CSGALNACT1: variants seen among roughly 807,000 people sequenced by gnomAD.
CSGALNACT1 encodes the protein chondroitin sulfate N-acetylgalactosaminyltransferase 1.
CSGALNACT1 carries 52 observed loss-of-function variants against 51.0 expected under a neutral mutation model. The ratio of observed to expected loss-of-function variants is 1.02; its 90% CI spans 0.82 to 1.29. CSGALNACT1 has a LOEUF of 1.29. CSGALNACT1 is among the 50% of genes most tolerant of loss of function. The pLI, the probability that CSGALNACT1 is intolerant of heterozygous loss-of-function variation, is 0.00. For synonymous variants in CSGALNACT1, 341 were observed against 254.4 expected, an observed-to-expected ratio of 1.34 and a Z score of -3.24; for missense variants, 935 against 679.2, an observed-to-expected ratio of 1.38 and a Z score of -4.19.
At chr8:19,468,742 G>C (rs535768629) in intron 4 of CSGALNACT1, among the ~76,000 whole-genome samples, 3 of 152,284 alleles carry the variant, frequency 2.0e-5, no homozygotes, top group African/African-American at 7.2e-5. Context: ...TATGAGCTAA[G>C]CTTTGGACGG....
At chr8:19,555,245 A>T (rs2089432597) in intron 3 of CSGALNACT1, among the ~76,000 whole-genome samples, 1 of 152,132 alleles carries the variant, frequency 6.6e-6, no homozygotes, top group Non-Finnish European at 1.5e-5. Flanking sequence ...TTTCAAAAAA[A>T]TTAAAAAAAA....
chr8:19,565,097 T>G (rs1554710856), intron 3 of CSGALNACT1, among the ~76,000 whole-genome samples: 2 of 152,214 alleles, frequency 1.3e-5, no homozygotes, highest in Non-Finnish European at 1.5e-5. Flanking sequence ...ACAAGCATCC[T>G]TGCTGAAAAA....
intron 3 of CSGALNACT1, among the ~76,000 whole-genome samples, chr8:19,509,941 G>C (rs7005075): frequency 0.44 from 67,428 of 151,854 alleles, 16,102 homozygotes; most frequent in African/African-American, 0.63. Flanking sequence ...TTTAGACCAG[G>C]TCAATCTCTT....
chr8:19,599,512 G>GAAAGAA (rs1564211507), intron 2 of CSGALNACT1, among the ~76,000 whole-genome samples: 2 of 125,666 alleles, frequency 1.6e-5, no homozygotes, highest in African/African-American at 5.9e-5. Context: ...AAGAAAGAAA[G>GAAAGAA]AAAGAAAGAA....
At chr8:19,440,146 G>A (rs1196543354) in intron 5 of CSGALNACT1, among the ~76,000 whole-genome samples, 4 of 152,118 alleles carry the variant, frequency 2.6e-5, no homozygotes, top group African/African-American at 9.7e-5. Context: ...ATTTAAACAT[G>A]CAGTAAATCA....
chr8:19,450,063 GAAGA>G (rs1308783052), intron 5 of CSGALNACT1, among the ~76,000 whole-genome samples: 2 of 111,232 alleles, frequency 1.8e-5, no homozygotes, highest in Admixed American at 2.2e-4. Flanking sequence ...GAAGAAGAAA[GAAGA>G]AAGAGGGGGA....
rs2064676679 is a variant in CSGALNACT1, at chr8:19,458,648, A to T, written c.635-6T>A. 6.2e-7 allele frequency: 1 copy of T among 1,613,526 alleles called. No homozygotes were observed. Among genetic ancestry groups the T allele is most frequent in the Non-Finnish European group, 8.5e-7 (1 of 1,179,420 alleles). On this transcript the variant is annotated splice_region_variant and splice_polypyrimidine_tract_variant and intron_variant, in intron 4 of 9. Transcript: ENST00000454498. ...CCTTTCTGTTCGGTAGATCCCTGTT[A>T]AGAGAAAAACAAGGAAAGATAGTTC...
chr8:19,757,579 C>T lies in CSGALNACT1; in HGVS notation c.-297+271G>A, dbSNP rs1241851488. On this transcript the variant is annotated intron_variant, in intron 1 of 1. Transcript: ENST00000517494. This position sits in a 1 kb window ranked among gnomAD's most constrained non-coding sequence, Gnocchi z 4.0. Reference sequence around the variant, plus strand: ...GGGCGGTTTACGCGTGACTGGACACCAAGAGCCGGAGAAGTTTAGAGACTA... The same window carrying T: ...GGGCGGTTTACGCGTGACTGGACACTAAGAGCCGGAGAAGTTTAGAGACTA... 6.6e-6 allele frequency among the ~76,000 whole-genome samples: 1 copy of T among 152,142 alleles called. No individual in the cohort carries two copies. Among genetic ancestry groups the T allele is most frequent in the East Asian group, 1.9e-4 (1 of 5,160 alleles).
At chr8:19,634,044 C>T (rs2055674292) in intron 1 of CSGALNACT1, among the ~76,000 whole-genome samples, 1 of 152,202 alleles carries the variant, frequency 6.6e-6, no homozygotes, top group Admixed American at 6.5e-5. Context: ...TAAAGCCCCT[C>T]CTGGGACTTG....
intron 6 of CSGALNACT1, among the ~76,000 whole-genome samples, chr8:19,426,873 C>A (rs1264144838): frequency 6.6e-6 from 1 of 152,228 alleles, no homozygotes; most frequent in East Asian, 1.9e-4. Flanking sequence ...TTCCCCACAA[C>A]TGCAAGGATA....
At position 19,422,871 on chromosome 8, in the gene CSGALNACT1, C is replaced by T. The variant is rs577676264; in HGVS notation, c.954-2353G>A. On this transcript the variant is annotated intron_variant, in intron 6 of 9. Coordinates refer to ENST00000454498, the Ensembl canonical transcript of CSGALNACT1. The stretch of plus-strand genomic sequence containing the variant: ...TTTTTACCTGTTCATCTAAAGGCAC[C>T]TGATCCTGGAGTCCATCTTGCTTTA... 5.8e-4 allele frequency among the ~76,000 whole-genome samples: 88 copies of T among 152,316 alleles called. No individual in the cohort carries two copies. In the South Asian group the frequency reaches 0.011, roughly 20 times the overall value.
intron 2 of CSGALNACT1, among the ~76,000 whole-genome samples, chr8:19,594,814 A>C (rs987145414): frequency 5.3e-5 from 8 of 151,912 alleles, no homozygotes; most frequent in Non-Finnish European, 1.0e-4. Context: ...GGCCTTCCAC[A>C]GTGCAGGGAT....
intron 1 of CSGALNACT1, among the ~76,000 whole-genome samples, chr8:19,634,497 C>G (rs907390637): frequency 1.3e-5 from 2 of 151,934 alleles, no homozygotes; most frequent in Non-Finnish European, 2.9e-5. Context: ...CCCTGTCTCT[C>G]CAAAACATTA....
At chr8:19,453,985 T>G (rs4379462) in intron 5 of CSGALNACT1, among the ~76,000 whole-genome samples, 73,493 of 151,952 alleles carry the variant, frequency 0.48, 19,002 homozygotes, top group East Asian at 0.86. Context: ...CCTGATTAAG[T>G]GAATGTGATT....
At chr8:19,421,420 G>T (rs1353130076) in intron 6 of CSGALNACT1, among the ~76,000 whole-genome samples, 2 of 152,170 alleles carry the variant, frequency 1.3e-5, no homozygotes, top group African/African-American at 4.8e-5. Context: ...CATGCCCAGT[G>T]GGACAGGTAT....
intron 3 of CSGALNACT1, among the ~76,000 whole-genome samples, chr8:19,582,319 C>A (rs753321144): frequency 7.2e-5 from 11 of 152,274 alleles, no homozygotes; most frequent in Non-Finnish European, 1.6e-4. Context: ...ATCAACACTT[C>A]CAATGAAAGA....
At chr8:19,753,629 C>A (rs1361803766) in intron 1 of CSGALNACT1, among the ~76,000 whole-genome samples, 1 of 152,180 alleles carries the variant, frequency 6.6e-6, no homozygotes, top group Non-Finnish European at 1.5e-5. Context: ...CTACCTCAGC[C>A]TCCCAAGTAG....
chr8:19,534,469 G>A (rs1411938578), intron 3 of CSGALNACT1, among the ~76,000 whole-genome samples: 1 of 151,994 alleles, frequency 6.6e-6, no homozygotes, highest in African/African-American at 2.4e-5. Flanking sequence ...AAAAATCTGT[G>A]TAAGAGTACT....
chr8:19,710,382 GA>G (rs1232465475), intron 1 of CSGALNACT1, among the ~76,000 whole-genome samples: 1 of 152,082 alleles, frequency 6.6e-6, no homozygotes, highest in Non-Finnish European at 1.5e-5. Context: ...GAAATCATCT[GA>G]AAAAAGGATG....
Sources: gnomAD v4.1 joint callset for allele counts (sites outside exome capture counted in the v4.1 genomes callset) on GRCh38, gnomAD v4.1.1 for gene constraint, Gnocchi (gnomAD v3.1) non-coding constraint, MANE v1.5 for transcripts, NCBI Gene and HGNC (gene_info 2026-07-23, HGNC 2026-07-21) for gene names.